Variants in DAAM1 observed in about 807,000 individuals in gnomAD.
DAAM1 encodes the protein dishevelled associated activator of morphogenesis 1, also known as disheveled-associated activator of morphogenesis 1.
In DAAM1, 52 loss-of-function variants were observed where a neutral mutation model predicts 130.0. The ratio of observed to expected loss-of-function variants is 0.40; its 90% confidence interval spans 0.32 to 0.50. The LOEUF (loss-of-function observed/expected upper bound fraction) is 0.50. DAAM1 is among the 20% of genes least tolerant of loss of function. The probability of loss-of-function intolerance (pLI) is 0.61; values close to 1 mark genes in which losing one functional copy is unlikely to be tolerated. For synonymous variants in DAAM1, 452 were observed against 444.5 expected (o/e 1.02, Z -0.21); for missense variants, 1,134 against 1,303.8 (o/e 0.87, Z 2.01).
chr14:59,297,564 A>G (rs897508429), intron 3 of DAAM1, among the ~76,000 whole-genome samples: 1 of 152,128 alleles, frequency 6.6e-6, no homozygotes, highest in African/African-American at 2.4e-5. Flanking sequence ...TCAGTATGTA[A>G]TGGCAAGATT....
At chr14:59,263,703 G>A (rs1366289812) in intron 2 of DAAM1, 43 bp downstream of exon 2, 2 of 1,589,488 alleles carry the variant, frequency 1.3e-6, no homozygotes, top group Admixed American at 1.7e-5. Context: ...GGGAGCCAGA[G>A]AAGGAGAAGA....
chr14:59,343,701 C>T (rs1885943027), intron 16 of DAAM1, among the ~76,000 whole-genome samples: 1 of 152,166 alleles, frequency 6.6e-6, no homozygotes, highest in Admixed American at 6.5e-5. Context: ...GGGCACCTGC[C>T]ACAGCTTTCT....
intron 12 of DAAM1, 112 bp downstream of exon 12, chr14:59,327,103 C>G: frequency 1.6e-6 from 2 of 1,220,532 alleles, no homozygotes; most frequent in Non-Finnish European, 2.3e-6. Flanking sequence ...GTGCAGGCAG[C>G]CTTTCTTTTT....
At chr14:59,283,719 A>G (rs1164361859) in intron 2 of DAAM1, among the ~76,000 whole-genome samples, 1 of 152,200 alleles carries the variant, frequency 6.6e-6, no homozygotes, top group Non-Finnish European at 1.5e-5. Flanking sequence ...TAAAAAGATC[A>G]TGAACTTCCC....
chr14:59,224,591 A>G (rs1228134669), intron 1 of DAAM1, among the ~76,000 whole-genome samples: 1 of 152,218 alleles, frequency 6.6e-6, no homozygotes, highest in Admixed American at 6.5e-5. Context: ...TCTGATTTAG[A>G]TGGCATTTAG....
intron 2 of DAAM1, among the ~76,000 whole-genome samples, chr14:59,279,634 G>A (rs932456390): frequency 2.0e-5 from 3 of 152,064 alleles, no homozygotes; most frequent in African/African-American, 4.8e-5. Flanking sequence ...AACTAAAACC[G>A]TACAGCTTCC....
chr14:59,300,905 A>G (rs1472607972), intron 3 of DAAM1, among the ~76,000 whole-genome samples: 1 of 152,194 alleles, frequency 6.6e-6, no homozygotes, highest in Admixed American at 6.5e-5. Flanking sequence ...TACTATTTAA[A>G]AAATATTGTG....
chr14:59,311,891 G>A (rs759139299), intron 3 of DAAM1, among the ~76,000 whole-genome samples: 10 of 151,994 alleles, frequency 6.6e-5, no homozygotes, highest in African/African-American at 2.4e-4. Context: ...GAGAGATGGG[G>A]TCTTGCTATG....
intron 2 of DAAM1, among the ~76,000 whole-genome samples, chr14:59,279,443 T>C (rs1883115391): frequency 6.6e-6 from 1 of 152,194 alleles, no homozygotes; most frequent in Admixed American, 6.6e-5. Context: ...CATTATTTTT[T>C]CCTTCTCCCA....
intron 1 of DAAM1, among the ~76,000 whole-genome samples, chr14:59,218,071 TG>T (rs1888647550): frequency 6.6e-6 from 1 of 151,976 alleles, no homozygotes; most frequent in Admixed American, 6.6e-5. Context: ...AGTTGGAGGC[TG>T]CAGTGAACTA....
chr14:59,248,168 T>A lies in DAAM1; in HGVS notation c.-37-15273T>A, dbSNP rs367681883. On this transcript the variant is annotated intron_variant, in intron 1 of 24. Transcript: ENST00000360909. ...TTTGCAAGAGAGGCAGTCTCTTTAG[T>A]GTTTAGTTGTCTTGAATTATCCAAT... 1.5e-4 allele frequency among the ~76,000 whole-genome samples: 23 copies of A among 152,352 alleles called. 1 individual carries two copies. The highest frequency in any genetic ancestry group is 8.5e-4 in the Admixed American group (13 of 15,308).
chr14:59,192,284 T>C (rs1363173772), intron 1 of DAAM1, among the ~76,000 whole-genome samples: 1 of 152,072 alleles, frequency 6.6e-6, no homozygotes, highest in Non-Finnish European at 1.5e-5. Flanking sequence ...AAAGTTCTGA[T>C]TGAAAGTGTT....
chr14:59,217,762 G>A (rs942464082), intron 1 of DAAM1, among the ~76,000 whole-genome samples: 58 of 152,072 alleles, frequency 3.8e-4, no homozygotes, highest in Non-Finnish European at 4.9e-4. Context: ...CACAAGGTCA[G>A]GAGTTTGAGA....
intron 15 of DAAM1, chr14:59,338,524 G>A: frequency 8.2e-7 from 1 of 1,218,124 alleles, no homozygotes; most frequent in Non-Finnish European, 1.2e-6. Flanking sequence ...TTTTTACATA[G>A]TGTAATCTAA....
intron 1 of DAAM1, among the ~76,000 whole-genome samples, chr14:59,207,512 A>C (rs1272685412): frequency 6.6e-6 from 1 of 152,230 alleles, no homozygotes; most frequent in African/African-American, 2.4e-5. Flanking sequence ...AAAACTATTA[A>C]TTTCATTTAA....
At chr14:59,253,137 C>G (rs1881720512) in intron 1 of DAAM1, among the ~76,000 whole-genome samples, 1 of 152,138 alleles carries the variant, frequency 6.6e-6, no homozygotes, top group African/African-American at 2.4e-5. Context: ...AATTCACTTT[C>G]TTACAACAGA....
chr14:59,364,988 C>G (rs150965329), intron 23 of DAAM1, among the ~76,000 whole-genome samples: 1 of 152,254 alleles, frequency 6.6e-6, no homozygotes, highest in East Asian at 1.9e-4. Context: ...GGAAGAGACT[C>G]CCCCTGTTCT....
At chr14:59,354,104 A>C in intron 19 of DAAM1, 140 bp downstream of exon 19, 2 of 775,734 alleles carry the variant, frequency 2.6e-6, no homozygotes, top group Non-Finnish European at 4.1e-6. Context: ...ACAGTTGCCC[A>C]GGCTGGAGTG....
At chr14:59,259,679 AATGAG>A (rs1421927915) in intron 1 of DAAM1, among the ~76,000 whole-genome samples, 2 of 152,196 alleles carry the variant, frequency 1.3e-5, no homozygotes, top group African/African-American at 4.8e-5. Context: ...GTTATATTTT[AATGAG>A]ATAAGTAATG....
Sources: allele counts gnomAD v4.1 joint callset (sites outside exome capture counted in the v4.1 genomes callset), GRCh38; gene constraint gnomAD v4.1.1; transcripts MANE v1.5; gene names NCBI Gene and HGNC (gene_info 2026-07-23, HGNC 2026-07-21).